The following TMX3 variants were observed in gnomAD, a reference collection of about 807,000 sequenced individuals.
The protein encoded by TMX3 is thioredoxin related transmembrane protein 3.
A neutral mutation model predicts 64.4 loss-of-function variants in TMX3; 40 were observed. That is an observed-to-expected ratio of 0.62 (90% confidence interval 0.48 to 0.81). The LOEUF is 0.81. Ranked by LOEUF, TMX3 falls within the 30% of genes least tolerant of loss-of-function variation. The pLI, the probability that TMX3 is intolerant of heterozygous loss-of-function variation, is 0.00. For synonymous variants in TMX3, 189 were observed against 175.7 expected, an observed-to-expected ratio of 1.08 and a Z score of -0.60; for missense variants, 497 against 534.5, an observed-to-expected ratio of 0.93 and a Z score of 0.69.
At chr18:68,707,309 TC>T (rs2030773903) in intron 4 of TMX3, among the ~76,000 whole-genome samples, 1 of 152,132 alleles carries the variant, frequency 6.6e-6, no homozygotes, top group Admixed American at 6.5e-5. Context: ...TGGAGGTTTA[TC>T]CATATCCAAT....
intron 8 of TMX3, among the ~76,000 whole-genome samples, chr18:68,695,798 C>CAGAGTA (rs778800975): frequency 4.9e-4 from 75 of 152,348 alleles, no homozygotes; most frequent in Non-Finnish European, 8.5e-4. Context: ...GCGCTTAGCA[C>CAGAGTA]AGAGTAATGT....
intron 4 of TMX3, among the ~76,000 whole-genome samples, chr18:68,708,417 A>T (rs1383023869): frequency 6.6e-6 from 1 of 152,134 alleles, no homozygotes; most frequent in Non-Finnish European, 1.5e-5. Context: ...ACCCAGTGGT[A>T]GCATAGTTCA....
Position 68,715,087 on chromosome 18 carries a change from G to A in TMX3, c.-106C>T. On this transcript the variant is annotated 5_prime_UTR_variant, in exon 1 of 16. Coordinates refer to ENST00000299608, the MANE Select transcript of TMX3 (RefSeq NM_019022.5). The stretch of plus-strand genomic sequence containing the variant: ...AGGGAAACGGAGCCGACCCGGAGCG[G>A]AAGAGAAGCACCGCGCTAACTACGG... The A allele has an allele frequency of 6.5e-7, 1 of 1,533,554 alleles. No individual in the cohort carries two copies. Among genetic ancestry groups the A allele is most frequent in the Non-Finnish European group, 8.8e-7 (1 of 1,137,774 alleles). The allele number at this position is 1,533,554 out of a possible 1,614,324, so 95.0% of individuals were successfully genotyped here.
intron 4 of TMX3, among the ~76,000 whole-genome samples, chr18:68,706,573 T>C (rs2030690287): frequency 6.6e-6 from 1 of 152,200 alleles, no homozygotes; most frequent in Admixed American, 6.5e-5. Context: ...GGTAATTCTA[T>C]TGCAGGTCGT....
At position 68,708,035 on chromosome 18, in the gene TMX3, G is replaced by GTATATATGTGTA. The variant is rs756773306; in HGVS notation, c.265+1974_265+1985dup. On this transcript the variant is annotated intron_variant, in intron 4 of 15. Coordinates refer to ENST00000299608, the MANE Select transcript of TMX3 (RefSeq NM_019022.5). The stretch of plus-strand genomic sequence containing the variant: ...TATATGTGTATATATGTGTATATGT[G>GTATATATGTGTA]TATATATGTGTATATATATGTGTAT... Among the ~76,000 whole-genome samples the GTATATATGTGTA allele has an allele frequency of 5.4e-4, 78 of 145,426 alleles. 1 individual carries two copies. The highest frequency in any genetic ancestry group is 8.6e-4 in the African/African-American group (31 of 36,054).
At chr18:68,679,204 G>T (rs540590178) in intron 15 of TMX3, among the ~76,000 whole-genome samples, 1 of 152,048 alleles carries the variant, frequency 6.6e-6, no homozygotes, top group African/African-American at 2.4e-5. Context: ...TTACATGGCA[G>T]GTTGCAGAAA....
intron 4 of TMX3, among the ~76,000 whole-genome samples, chr18:68,708,691 C>A (rs749207520): frequency 5.3e-5 from 8 of 152,096 alleles, no homozygotes; most frequent in Non-Finnish European, 1.0e-4. Flanking sequence ...TTTATCAAGT[C>A]ATTGCCTTCA....
chr18:68,681,435 T>A, intron 13 of TMX3: 1 of 978,112 alleles, frequency 1.0e-6, no homozygotes, highest in Non-Finnish European at 1.2e-6. Context: ...CTTATGTTGT[T>A]CAACGGTCAA....
intron 15 of TMX3, among the ~76,000 whole-genome samples, chr18:68,678,982 C>G (rs1220120995): frequency 6.6e-6 from 1 of 150,748 alleles, no homozygotes. Flanking sequence ...AATTATTTAC[C>G]AACTAGGGAA....
chr18:68,698,971 G>A (rs375151), intron 6 of TMX3, among the ~76,000 whole-genome samples: 39,149 of 150,110 alleles, frequency 0.26, 8,820 homozygotes, highest in African/African-American at 0.61. Flanking sequence ...GCAGTGAGCC[G>A]AGACAGCGCC....
intron 10 of TMX3, chr18:68,686,917 T>G: frequency 2.0e-6 from 2 of 985,042 alleles, no homozygotes; most frequent in Non-Finnish European, 2.4e-6. Flanking sequence ...CTCTAATTTT[T>G]ATTAATTAGA....
chr18:68,698,938 C>T (rs1410472291), intron 6 of TMX3, among the ~76,000 whole-genome samples: 6 of 150,738 alleles, frequency 4.0e-5, no homozygotes, highest in Non-Finnish European at 5.9e-5. Flanking sequence ...AGGAGAATGG[C>T]GTGAACCCGG....
rs568419185 is a variant in TMX3, at chr18:68,710,263, T to C, written c.142-119A>G. On this transcript the variant is annotated intron_variant, in intron 3 of 15. Coordinates refer to ENST00000299608, the MANE Select transcript of TMX3 (RefSeq NM_019022.5). Reference sequence around the variant, plus strand: ...TTGACTAAATGATCTAATAATGTTTTAGACAAGAAGTTTAAATATAATTTT... The same window carrying C: ...TTGACTAAATGATCTAATAATGTTTCAGACAAGAAGTTTAAATATAATTTT... 10 of 961,826 alleles carry C rather than the reference T, an allele frequency of 1.0e-5. No homozygotes were observed. In the South Asian group the frequency reaches 2.7e-4, roughly 26 times the overall value. The allele number at this position is 961,826 out of a possible 1,614,324, so 59.6% of individuals were successfully genotyped here.
At chr18:68,694,115 T>C (rs1914815241) in intron 8 of TMX3, among the ~76,000 whole-genome samples, 1 of 152,086 alleles carries the variant, frequency 6.6e-6, no homozygotes, top group South Asian at 2.1e-4. Context: ...GACAAGAACT[T>C]GGGACCCACT....
At chr18:68,682,855 T>C in intron 13 of TMX3, 70 bp downstream of exon 13, 5 of 1,376,582 alleles carry the variant, frequency 3.6e-6, no homozygotes, top group Admixed American at 1.8e-5. Flanking sequence ...TTAATCCTTC[T>C]ACCTGTATCT....
Position 68,710,040 on chromosome 18 carries a change from C to T in TMX3, c.246G>A (p.Met82Ile), listed in dbSNP as rs756518067. ...GCTTACTAGAATAGGAAGTAGCATC[C>T]ATCTTTCCAACCTTAACTGGAGAAC... is the stretch of plus-strand genomic sequence containing the variant. The part of the protein sequence containing the change: ...SIGSPVKVGK[M>I]DATSYSSIAS... Residue 82 changes from methionine to isoleucine, a missense_variant, in exon 4 of 16, where the codon ATG (methionine) becomes ATA (isoleucine). By Grantham distance (10) the Met-to-Ile change is conservative. This residue lies in a region of TMX3 where 360 missense variants were observed against 383.5 expected (regional missense o/e 0.94). Coordinates refer to ENST00000299608, the MANE Select transcript of TMX3 (RefSeq NM_019022.5). The T allele has an allele frequency of 6.3e-7, 1 of 1,586,476 alleles. No homozygotes were observed. The highest frequency in any genetic ancestry group is 1.2e-5 in the South Asian group (1 of 85,852).
intron 10 of TMX3, chr18:68,687,110 G>T (rs1914040616): frequency 3.1e-6 from 3 of 983,222 alleles, no homozygotes; most frequent in South Asian, 9.4e-5. Context: ...TTTCTAATTT[G>T]CTATAAATTT....
In TMX3 at chr18:68,700,482, T is replaced by C. The variant is rs1282253179; in HGVS notation, c.315A>G (p.Leu105=). The change falls in exon 6 of 16, where the codon TTA becomes TTG. Residue 105 remains leucine (L), a synonymous_variant. Coordinates refer to ENST00000299608, the MANE Select transcript of TMX3 (RefSeq NM_019022.5). ...GVRGYPTIKL[L]KGDLAYNYRG... is the part of the protein sequence containing the mutation. ...TATAATTATATGCCAAGTCCCCTTT[T>C]AATCTTTAAAAAAAAAAAAAAATTA... 1.3e-6 allele frequency: 2 copies of C among 1,534,466 alleles called. No individual in the cohort carries two copies. Among genetic ancestry groups the C allele is most frequent in the Middle Eastern group, 1.7e-4 (1 of 5,726 alleles).
At chr18:68,689,443 A>C (rs1914295792) in intron 9 of TMX3, among the ~76,000 whole-genome samples, 1 of 152,026 alleles carries the variant, frequency 6.6e-6, no homozygotes, top group Admixed American at 6.5e-5. Context: ...AATTGCTAAG[A>C]AACACATAGT....
Sources: allele counts gnomAD v4.1 joint callset (sites outside exome capture counted in the v4.1 genomes callset), GRCh38; gene constraint gnomAD v4.1.1; regional missense constraint gnomAD v4.1.1; transcripts MANE v1.5; gene names NCBI Gene and HGNC (gene_info 2026-07-23, HGNC 2026-07-21).